The following CYRIA variants were observed in gnomAD, a reference collection of about 807,000 sequenced individuals.
CYRIA encodes CYFIP-related Rac1 interactor A.
CYRIA carries 15 observed loss-of-function variants against 43.9 expected under a neutral mutation model. The observed-to-expected ratio is 0.34, with a 90% CI of 0.23 to 0.53. The LOEUF is 0.53. Among genes scored for constraint, CYRIA ranks in the 20% least tolerant of loss-of-function variants. The pLI, the probability that CYRIA is intolerant of heterozygous loss-of-function variation, is 0.94. For missense variants in CYRIA, 236 were observed against 394.2 expected (o/e 0.60, Z 3.40); for synonymous variants, 117 against 136.0 (o/e 0.86, Z 0.97).
intron 1 of CYRIA, among the ~76,000 whole-genome samples, chr2:16,657,653 T>G (rs1670152693): frequency 6.6e-6 from 1 of 152,246 alleles, no homozygotes; most frequent in Admixed American, 6.5e-5. Context: ...ATCTGGACTT[T>G]GCCGACACAG....
Position 16,557,568 on chromosome 2 carries a change from T to C in CYRIA, c.837+1892A>G, listed in dbSNP as rs146705227. The stretch of plus-strand genomic sequence containing the variant: ...TAAAAAAAAAATGGCCCATCTCAAA[T>C]GGTTTACCGTGCTTATTAAGCCTGA... On this transcript the variant is annotated intron_variant, in intron 10 of 11. Coordinates refer to ENST00000381323, the MANE Select transcript of CYRIA (RefSeq NM_030797.4). 6.2e-3 allele frequency among the ~76,000 whole-genome samples: 942 copies of C among 152,200 alleles called. 7 individuals are homozygous for C. The highest frequency in any genetic ancestry group is 0.022 in the African/African-American group (913 of 41,518).
rs1466576973 is a variant in CYRIA, at chr2:16,577,175, C to A, written c.70+10875G>T. Among the ~76,000 whole-genome samples the A allele has an allele frequency of 2.7e-5, 4 of 147,842 alleles. No homozygotes were observed. In the South Asian group the frequency reaches 8.4e-4, roughly 31 times the overall value. ...GTAGATCTCATGGTAAGTCTTCTTA[C>A]CATAATAAAAAAGAAAAGAAACATA... On this transcript the variant is annotated intron_variant, in intron 3 of 11. Coordinates refer to ENST00000381323, the MANE Select transcript of CYRIA (RefSeq NM_030797.4).
chr2:16,552,871 T>A lies in CYRIA; in HGVS notation c.*65A>T, dbSNP rs1305781067. 9.8e-7 allele frequency: 1 copy of A among 1,020,526 alleles called. No individual in the cohort carries two copies. The highest frequency in any genetic ancestry group is 1.6e-6 in the Non-Finnish European group (1 of 640,276). The allele number at this position is 1,020,526 out of a possible 1,614,324, so 63.2% of individuals were successfully genotyped here. On this transcript the variant is annotated 3_prime_UTR_variant, in exon 12 of 12. Transcript: ENST00000381323. The stretch of plus-strand genomic sequence containing the variant: ...ACACAAGTATTAACATCAATCTGTA[T>A]TAAATTATGTAAACATATACATCTT...
chr2:16,553,583 G>A (rs925149640), intron 11 of CYRIA, among the ~76,000 whole-genome samples: 4 of 152,078 alleles, frequency 2.6e-5, no homozygotes, highest in African/African-American at 4.8e-5. Flanking sequence ...GTTAAGTTTC[G>A]TGTTACAATA....
chr2:16,551,560 C>T lies in CYRIA; in HGVS notation c.*1376G>A, dbSNP rs902787174. On this transcript the variant is annotated 3_prime_UTR_variant, in exon 12 of 12. Coordinates refer to ENST00000381323, the MANE Select transcript of CYRIA (RefSeq NM_030797.4). ...ACCACATCCTCTGGGTTTCATTTTT[C>T]CTTAGGAGGTCAGAATCAGAGATTT... The T allele has an allele frequency of 6.6e-6, 1 of 152,214 alleles. No individual in the cohort carries two copies. Among genetic ancestry groups the T allele is most frequent in the African/African-American group, 2.4e-5 (1 of 41,528 alleles). 9.4% of individuals were successfully genotyped at this position (152,214 alleles called of 1,614,324 possible). A position where few individuals can be genotyped will look rare whatever the true frequency, so the allele number is the denominator to read the frequency against.
intron 2 of CYRIA, among the ~76,000 whole-genome samples, chr2:16,612,408 A>G (rs1324097579): frequency 6.6e-6 from 1 of 152,158 alleles, no homozygotes; most frequent in African/African-American, 2.4e-5. Flanking sequence ...AAGGGAGGGG[A>G]GGAATAAAAA....
intron 2 of CYRIA, among the ~76,000 whole-genome samples, chr2:16,606,922 G>A (rs980864745): frequency 2.0e-5 from 3 of 151,960 alleles, no homozygotes; most frequent in African/African-American, 7.3e-5. Context: ...TTTATTTTGG[G>A]AAGTGCAGGG....
intron 2 of CYRIA, among the ~76,000 whole-genome samples, chr2:16,601,305 C>T (rs1668197330): frequency 6.6e-6 from 1 of 152,138 alleles, no homozygotes; most frequent in Non-Finnish European, 1.5e-5. Flanking sequence ...AGCCCTCCAG[C>T]TGAGGGGGTT....
At chr2:16,645,523 G>A (rs1288717921) in intron 1 of CYRIA, among the ~76,000 whole-genome samples, 1 of 152,226 alleles carries the variant, frequency 6.6e-6, no homozygotes, top group Non-Finnish European at 1.5e-5. Context: ...TTGAATGCCT[G>A]TGAAGTAAAC....
At chr2:16,563,370 T>C (rs1666818969) in intron 5 of CYRIA, among the ~76,000 whole-genome samples, 1 of 152,166 alleles carries the variant, frequency 6.6e-6, no homozygotes, top group Middle Eastern at 3.2e-3. Flanking sequence ...CCTCTTAATC[T>C]GTGGCACTCA....
intron 5 of CYRIA, among the ~76,000 whole-genome samples, chr2:16,563,115 A>G (rs1666805554): frequency 6.6e-6 from 1 of 152,166 alleles, no homozygotes; most frequent in Non-Finnish European, 1.5e-5. Context: ...CTCGTAAGGA[A>G]TTGTTTTCCT....
intron 1 of CYRIA, among the ~76,000 whole-genome samples, chr2:16,652,139 T>C (rs1323176036): frequency 6.6e-6 from 1 of 152,202 alleles, no homozygotes; most frequent in Non-Finnish European, 1.5e-5. Context: ...CACCCACACA[T>C]ACTTCTGGTT....
intron 2 of CYRIA, among the ~76,000 whole-genome samples, chr2:16,606,422 A>G (rs1483886711): frequency 2.0e-5 from 3 of 151,496 alleles, no homozygotes; most frequent in Admixed American, 6.6e-5. Context: ...TCCCACTCTT[A>G]TATTGGATAC....
chr2:16,615,595 T>C (rs1175225639), intron 2 of CYRIA, among the ~76,000 whole-genome samples: 2 of 152,220 alleles, frequency 1.3e-5, no homozygotes, highest in African/African-American at 4.8e-5. Flanking sequence ...CCAGCCTGTT[T>C]CTTCACCTGC....
chr2:16,584,680 G>A (rs563490969), intron 3 of CYRIA, among the ~76,000 whole-genome samples: 1 of 152,270 alleles, frequency 6.6e-6, no homozygotes, highest in South Asian at 2.1e-4. Context: ...TCTCCAGCAA[G>A]CATTTGGTGT....
chr2:16,576,247 C>T (rs768943618), intron 3 of CYRIA, among the ~76,000 whole-genome samples: 22 of 152,082 alleles, frequency 1.4e-4, no homozygotes, highest in Admixed American at 3.3e-4. Context: ...TTGTTATATG[C>T]CTACCACAGT....
intron 1 of CYRIA, among the ~76,000 whole-genome samples, chr2:16,658,217 A>C (rs1670166560): frequency 6.6e-6 from 1 of 152,184 alleles, no homozygotes; most frequent in Non-Finnish European, 1.5e-5. Context: ...AGCTAGAAAC[A>C]GAAGTCTAGA....
intron 2 of CYRIA, among the ~76,000 whole-genome samples, chr2:16,588,429 T>TAAA (rs74552750): frequency 1.4e-4 from 19 of 140,330 alleles, no homozygotes; most frequent in South Asian, 1.4e-3. Context: ...GTTCACCATA[T>TAAA]AAAAAAAAAA....
At chr2:16,653,048 T>C (rs1324479102) in intron 1 of CYRIA, among the ~76,000 whole-genome samples, 1 of 152,266 alleles carries the variant, frequency 6.6e-6, no homozygotes, top group Non-Finnish European at 1.5e-5. Flanking sequence ...GCTCTCTTTC[T>C]ATCCCAGACC....
Sources: allele counts gnomAD v4.1 joint callset (sites outside exome capture counted in the v4.1 genomes callset), GRCh38; gene constraint gnomAD v4.1.1; transcripts MANE v1.5; gene names NCBI Gene and HGNC (gene_info 2026-07-23, HGNC 2026-07-21).